CALN1: variants seen among roughly 807,000 people sequenced by gnomAD.
CALN1 encodes calneuron 1, also known as calcium-binding protein 8.
A neutral mutation model predicts 30.6 loss-of-function variants in CALN1; 17 were observed. The ratio of observed to expected loss-of-function variants is 0.56; its 90% CI spans 0.38 to 0.83. The LOEUF is 0.83. Among genes scored for constraint, CALN1 ranks in the 40% least tolerant of loss-of-function variants. The pLI is 0.00. For missense variants in CALN1, 291 were observed against 354.9 expected (o/e 0.82, Z 1.45); for synonymous variants, 156 against 131.4 (o/e 1.19, Z -1.28).
At chr7:71,890,569 A>G (rs1373470932) in intron 5 of CALN1, among the ~76,000 whole-genome samples, 1 of 152,096 alleles carries the variant, frequency 6.6e-6, no homozygotes, top group African/African-American at 2.4e-5. Context: ...TATAAAATAG[A>G]AAAAATTATT....
At chr7:72,214,703 G>T (rs1156631368) in intron 3 of CALN1, among the ~76,000 whole-genome samples, 1 of 151,992 alleles carries the variant, frequency 6.6e-6, no homozygotes, top group African/African-American at 2.4e-5. Context: ...CCGCACAGCA[G>T]GAGGTGAGTG....
At chr7:71,796,665 C>A (rs562335020) in intron 6 of CALN1, among the ~76,000 whole-genome samples, 1 of 152,074 alleles carries the variant, frequency 6.6e-6, no homozygotes, top group Non-Finnish European at 1.5e-5. Context: ...GCTTATGTTT[C>A]GTTTTTTCAA....
upstream of CALN1, among the ~76,000 whole-genome samples, chr7:72,451,209 A>AAGAAGAAGAAGAAGAAGAAGG (rs747175718): frequency 7.9e-6 from 1 of 126,054 alleles, no homozygotes; most frequent in African/African-American, 3.7e-5. Flanking sequence ...GAAGAAGAAG[A>AAGAAGAAGAAGAAGAAGAAGG]AGGAGGAGGA....
chr7:71,826,395 T>A (rs549144022), intron 5 of CALN1, among the ~76,000 whole-genome samples: 2 of 152,188 alleles, frequency 1.3e-5, no homozygotes, highest in African/African-American at 4.8e-5. Flanking sequence ...GGAGCAGACA[T>A]GTGACTCAGA....
At chr7:72,034,163 C>A (rs905457502) in intron 4 of CALN1, among the ~76,000 whole-genome samples, 6 of 151,644 alleles carry the variant, frequency 4.0e-5, no homozygotes, top group Non-Finnish European at 8.8e-5. Context: ...ACCATCCTGG[C>A]TAACACGGTG....
chr7:72,073,853 C>T (rs796448234), intron 4 of CALN1, among the ~76,000 whole-genome samples: 13 of 152,252 alleles, frequency 8.5e-5, no homozygotes, highest in African/African-American at 2.9e-4. Context: ...GCCACCATGA[C>T]TGGCTAATTT....
intron 3 of CALN1, among the ~76,000 whole-genome samples, chr7:72,272,500 T>G (rs925780525): frequency 1.3e-5 from 2 of 152,056 alleles, no homozygotes; most frequent in African/African-American, 2.4e-5. Flanking sequence ...AGGTGGAGGC[T>G]GCAGTGAGCC....
At chr7:72,114,271 A>AAAAATAAAAGT (rs1807797112) in intron 3 of CALN1, among the ~76,000 whole-genome samples, 1 of 71,650 alleles carries the variant, frequency 1.4e-5, no homozygotes, top group Non-Finnish European at 2.6e-5. Context: ...AGGGAAGGGA[A>AAAAATAAAAGT]GGGAAGGGAA....
At chr7:72,358,052 T>C (rs1803346393) in intron 2 of CALN1, among the ~76,000 whole-genome samples, 2 of 151,702 alleles carry the variant, frequency 1.3e-5, no homozygotes, top group African/African-American at 4.9e-5. Flanking sequence ...AGTGCAATGA[T>C]GCAATCATAA....
Position 71,787,696 on chromosome 7 carries a change from G to T in CALN1, c.*79C>A. On this transcript the variant is annotated 3_prime_UTR_variant, in exon 7 of 7. Transcript: ENST00000395275. The stretch of plus-strand genomic sequence containing the variant: ...ATCCATAGTCCATAGGTCCGTGTCT[G>T]CTGTGTGGAGGAAGAGTCTGCCCGC... 2 of 1,573,922 alleles carry T rather than the reference G, an allele frequency of 1.3e-6. No individual in the cohort carries two copies. The highest frequency in any genetic ancestry group is 1.7e-6 in the Non-Finnish European group (2 of 1,159,400).
chr7:72,404,094 G>A (rs1023140140), intron 1 of CALN1, among the ~76,000 whole-genome samples: 12 of 152,100 alleles, frequency 7.9e-5, no homozygotes, highest in African/African-American at 2.2e-4. Context: ...CTCTGGTATC[G>A]TTACCACCTA....
chr7:71,849,109 C>G (rs747460236), intron 5 of CALN1, among the ~76,000 whole-genome samples: 5 of 152,132 alleles, frequency 3.3e-5, no homozygotes, highest in African/African-American at 4.8e-5. Context: ...ATAATCCACT[C>G]TATTTACATC....
chr7:72,400,864 G>C (rs1806291832), intron 2 of CALN1, among the ~76,000 whole-genome samples: 2 of 152,140 alleles, frequency 1.3e-5, no homozygotes, highest in South Asian at 4.1e-4. Flanking sequence ...CTGGGCTTCT[G>C]TCCCTTGCAA....
At chr7:71,918,757 T>C (rs1339440137) in intron 5 of CALN1, among the ~76,000 whole-genome samples, 1 of 152,106 alleles carries the variant, frequency 6.6e-6, no homozygotes, top group Non-Finnish European at 1.5e-5. Context: ...ATTCCTACTG[T>C]CCACCAAATG....
rs1181284925 is a variant in CALN1, at chr7:72,209,199, TC to T, written c.244+69486del. On this transcript the variant is annotated intron_variant, in intron 3 of 6. Transcript: ENST00000395275. ...TTCCCTCCTTCCCTCTTTCCTTCCC[TC>T]CTTCCCTCCTTCCTTCCCTCCTTCC... is the stretch of plus-strand genomic sequence containing the variant. 1.4e-4 allele frequency among the ~76,000 whole-genome samples: 18 copies of T among 125,052 alleles called. 1 individual carries two copies. The highest frequency in any genetic ancestry group is 5.0e-4 in the African/African-American group (15 of 29,946). The allele number at this position is 125,052 out of a possible 152,430, so 82.0% of individuals were successfully genotyped here. A position where few individuals can be genotyped will look rare whatever the true frequency, so the allele number is the denominator to read the frequency against.
intron 3 of CALN1, among the ~76,000 whole-genome samples, chr7:72,165,337 T>C (rs1383896882): frequency 6.6e-6 from 1 of 152,004 alleles, no homozygotes; most frequent in African/African-American, 2.4e-5. Context: ...GGCGGGCAGA[T>C]CAAGTTGAGG....
intron 3 of CALN1, among the ~76,000 whole-genome samples, chr7:72,205,575 T>TATATAC (rs1562733884): frequency 1.7e-5 from 2 of 119,634 alleles, no homozygotes; most frequent in African/African-American, 8.5e-5. Context: ...TATGTATATA[T>TATATAC]ATATATATAT....
upstream of CALN1, among the ~76,000 whole-genome samples, chr7:72,450,584 C>T (rs929075733): frequency 3.9e-5 from 6 of 152,132 alleles, no homozygotes; most frequent in Non-Finnish European, 8.8e-5. Context: ...TTTTCATTAA[C>T]AAAATCAAGC....
chr7:72,388,392 A>G (rs139232397), intron 2 of CALN1, among the ~76,000 whole-genome samples: 15 of 152,226 alleles, frequency 9.9e-5, no homozygotes, highest in African/African-American at 3.6e-4. Flanking sequence ...CAAAAAAGGT[A>G]CCGTTATATC....
Sources: gnomAD v4.1 joint callset for allele counts (sites outside exome capture counted in the v4.1 genomes callset) on GRCh38, gnomAD v4.1.1 for gene constraint, MANE v1.5 for transcripts, NCBI Gene and HGNC (gene_info 2026-07-23, HGNC 2026-07-21) for gene names.